LMF2: variants seen among roughly 807,000 people sequenced by gnomAD.
The protein encoded by LMF2 is transmembrane protein 112B.
LMF2 carries 113 observed loss-of-function variants against 81.5 expected under a neutral mutation model. That is an observed-to-expected ratio of 1.39 (90% CI 1.19 to 1.62). LMF2 has a LOEUF of 1.62. Among genes scored for constraint, LMF2 ranks in the 40% most tolerant of loss-of-function variants. The pLI, the probability that LMF2 is intolerant of heterozygous loss-of-function variation, is 0.00. For synonymous variants in LMF2, 645 were observed against 424.5 expected (o/e 1.52, Z -6.39); for missense variants, 1,235 against 929.1 (o/e 1.33, Z -4.28).
In LMF2 at chr22:50,505,159, G is replaced by A; in HGVS notation, c.1158-6C>T. The A allele has an allele frequency of 6.2e-7, 1 of 1,612,898 alleles. No individual in the cohort carries two copies. Among genetic ancestry groups the A allele is most frequent in the Non-Finnish European group, 8.5e-7 (1 of 1,179,916 alleles). ...AGCCCCGCACCTGGGTCCACCTGTG[G>A]GCAAGGACCCAAGGTCGTCAGGCCG... On this transcript the variant is annotated splice_region_variant and splice_polypyrimidine_tract_variant and intron_variant, in intron 8 of 13. Coordinates refer to ENST00000474879, the MANE Select transcript of LMF2 (RefSeq NM_033200.3).
chr22:50,503,110 C>G lies in LMF2; in HGVS notation c.*281G>C, dbSNP rs1261821247. On this transcript the variant is annotated 3_prime_UTR_variant, in exon 14 of 14. Transcript: ENST00000474879. ...GGGTTGGGGGCTCTAGACTCAGACC[C>G]CCACAGCCCAGGGCAGGGGAAGGGT... is the stretch of plus-strand genomic sequence containing the variant. 6 of 436,176 alleles carry G rather than the reference C, an allele frequency of 1.4e-5. No individual in the cohort carries two copies. The East Asian group carries it at 2.3e-4, about 16-fold the overall frequency. 27.0% of individuals were successfully genotyped at this position (436,176 alleles called of 1,614,324 possible). A position where few individuals can be genotyped will look rare whatever the true frequency, so the allele number is the denominator to read the frequency against.
intron 1 of LMF2, 112 bp downstream of exon 1, chr22:50,507,470 C>A: frequency 1.2e-6 from 1 of 859,936 alleles, no homozygotes; most frequent in South Asian, 1.4e-5. Context: ...TACCCCACGC[C>A]AAGGCCTGGC....
Position 50,503,894 on chromosome 22 carries a change from G to A in LMF2, c.1729C>T (p.Arg577Trp), listed in dbSNP as rs142735117. Residue 577 changes from arginine (R) to tryptophan (W), a missense_variant, in exon 13 of 14, where the codon CGG becomes TGG. Transcript: ENST00000474879. ...AAGAACTCCTCCACCCACTGGCGCC[G>A]CCACCACTGGCTGCAGCAGGACCCG... ...SQPGEQGQWWRRQWVEEFFPS... is the reference protein window; with the variant it reads ...SQPGEQGQWWWRQWVEEFFPS... The A allele has an allele frequency of 1.5e-5, 24 of 1,604,522 alleles. No homozygotes were observed. In the African/African-American group the frequency reaches 1.6e-4, roughly 11 times the overall value.
At chr22:50,507,150 C>T (rs2068608151) in intron 1 of LMF2, 115 bp from the exon 2 acceptor site, 22 of 1,442,550 alleles carry the variant, frequency 1.5e-5, no homozygotes, top group Non-Finnish European at 1.9e-5. Flanking sequence ...TACCTCCATC[C>T]CTAGGTCAGA....
chr22:50,506,225 G>C lies in LMF2; in HGVS notation c.596-12C>G. The C allele has an allele frequency of 6.4e-7, 1 of 1,551,744 alleles. No homozygotes were observed. The highest frequency in any genetic ancestry group is 8.7e-7 in the Non-Finnish European group (1 of 1,147,618). On this transcript the variant is annotated splice_polypyrimidine_tract_variant and intron_variant, in intron 4 of 13. Coordinates refer to ENST00000474879, the MANE Select transcript of LMF2 (RefSeq NM_033200.3). ...GTGGTAGGTGAGGGCTGCAGGCGAG[G>C]GCAGGAGTCAGGGCTGGCCGAGCCC...
intron 1 of LMF2, 119 bp from the exon 2 acceptor site, chr22:50,507,154 G>C (rs1483688109): frequency 1.4e-6 from 2 of 1,433,642 alleles, no homozygotes; most frequent in Middle Eastern, 2.6e-4. Context: ...TCCATCCCTA[G>C]GTCAGAGTCT....
chr22:50,506,748 G>T, intron 2 of LMF2, 34 bp downstream of exon 2: 1 of 1,612,386 alleles, frequency 6.2e-7, no homozygotes, highest in Non-Finnish European at 8.5e-7. Flanking sequence ...GTGGGGGTTG[G>T]AGATAGAGTG....
intron 2 of LMF2, 53 bp from the exon 3 acceptor site, chr22:50,506,719 G>C (rs746470574): frequency 2.5e-6 from 4 of 1,613,094 alleles, no homozygotes; most frequent in South Asian, 1.1e-5. Context: ...CTCAGGTAAG[G>C]TAGAGGCAGG....
At chr22:50,503,736 G>C in intron 13 of LMF2, 37 bp from the exon 14 acceptor site, 1 of 1,589,482 alleles carries the variant, frequency 6.3e-7, no homozygotes. Context: ...TTGGGGAAGT[G>C]CTTACTGGGT....
chr22:50,506,455 G>C lies in LMF2; in HGVS notation c.425C>G (p.Pro142Arg). ...CTTGCGGTGGGAGGCTGGCCTCAGC[G>C]GGGCCACCAGCACGGCCAGGAAGCC... ...ETGFLAVLVA[P>R]LRPASHRKEA... The change falls in exon 4 of 14, where the codon CCG (proline) becomes CGG (arginine). Residue 142 changes from proline to arginine, a missense_variant. Transcript: ENST00000474879. 6.4e-7 allele frequency: 1 copy of C among 1,551,278 alleles called. No individual in the cohort carries two copies. Among genetic ancestry groups the C allele is most frequent in the Non-Finnish European group, 8.7e-7 (1 of 1,149,242 alleles).
Position 50,504,445 on chromosome 22 carries a change from C to T in LMF2, c.1613G>A (p.Arg538His), listed in dbSNP as rs1004544745. ...RLLQGKEPVI[R>H]LVQSQVARYP... ...CCTGGCCACTTGGCTCTGGACAAGG[C>T]GGATCACTGCAGCGAGAGGCATCAG... The change falls in exon 12 of 14, where the codon CGC becomes CAC. Residue 538 changes from arginine (R) to histidine (H), a missense_variant. Physicochemically the swap from Arg to His is conservative, Grantham distance 29. Coordinates refer to ENST00000474879, the MANE Select transcript of LMF2 (RefSeq NM_033200.3). 70 of 1,611,290 alleles carry T rather than the reference C, an allele frequency of 4.3e-5. No homozygotes were observed. The highest frequency in any genetic ancestry group is 5.2e-5 in the Non-Finnish European group (61 of 1,179,500).
rs772098841 is a variant in LMF2, at chr22:50,505,291, CGTCA to C, written c.1091_1094del (p.Leu364ArgfsTer17). On this transcript the variant is annotated frameshift_variant, in exon 8 of 14. Transcript: ENST00000474879. LOFTEE classifies it high-confidence loss of function. Reference sequence around the variant, plus strand: ...CCACACCCAGCCACACAGTGGGCAGCGTCAGTGTCTTCAGCCACTGAGAAAACTG... The same window carrying C: ...CCACACCCAGCCACACAGTGGGCAGCGTGTCTTCAGCCACTGAGAAAACTG... The C allele has an allele frequency of 1.2e-6, 2 of 1,613,294 alleles. No homozygotes were observed. The highest frequency in any genetic ancestry group is 1.3e-5 in the African/African-American group (1 of 75,060).
chr22:50,507,140 T>C (rs984069554), intron 1 of LMF2, 105 bp from the exon 2 acceptor site: 9 of 1,461,606 alleles, frequency 6.2e-6, no homozygotes, highest in Non-Finnish European at 8.1e-6. Flanking sequence ...AGCATGCGGA[T>C]ACCTCCATCC....
At position 50,506,509 on chromosome 22, in the gene LMF2, G is replaced by T; in HGVS notation, c.378-7C>A. On this transcript the variant is annotated splice_polypyrimidine_tract_variant and splice_region_variant and intron_variant, in intron 3 of 13. Coordinates refer to ENST00000474879, the MANE Select transcript of LMF2 (RefSeq NM_033200.3). Reference sequence around the variant, plus strand: ...CTCTAGCAGCAGGGAGTCCCTATGGGGAGAGCAAATAGCACCAAGAGCCCC... The same window carrying T: ...CTCTAGCAGCAGGGAGTCCCTATGGTGAGAGCAAATAGCACCAAGAGCCCC... 1.9e-6 allele frequency: 3 copies of T among 1,561,966 alleles called. No individual in the cohort carries two copies. Among genetic ancestry groups the T allele is most frequent in the East Asian group, 2.3e-5 (1 of 43,120 alleles).
At chr22:50,504,495 G>GGGC in intron 11 of LMF2, 44 bp from the exon 12 acceptor site, 56 of 1,339,384 alleles carry the variant, frequency 4.2e-5, no homozygotes, top group Non-Finnish European at 5.2e-5. Context: ...TACCCGCCCT[G>GGGC]CCCCTCCCCT....
chr22:50,506,666 C>A lies in LMF2; in HGVS notation c.349G>T (p.Val117Leu). ...TGGAAATAAAGGAACACCTGGCCCACCTGCGGAGAGAGGGGCTGTCAGGGA... is the reference window on the plus strand; with the variant it reads ...TGGAAATAAAGGAACACCTGGCCCAACTGCGGAGAGAGGGGCTGTCAGGGA... ...LWAAYLSACQ[V>L]GQVFLYFQWD... The change falls in exon 3 of 14, where the codon GTG (valine) becomes TTG (leucine). Residue 117 changes from valine (V) to leucine (L), a missense_variant and splice_region_variant. By Grantham distance (32) the Val-to-Leu change is conservative. Coordinates refer to ENST00000474879, the MANE Select transcript of LMF2 (RefSeq NM_033200.3). 1 of 1,613,628 alleles carries A rather than the reference C, an allele frequency of 6.2e-7. No individual in the cohort carries two copies. The highest frequency in any genetic ancestry group is 1.3e-5 in the African/African-American group (1 of 75,048).
In LMF2 at chr22:50,503,395, T is replaced by C. The variant is rs758368484; in HGVS notation, c.2120A>G (p.Lys707Arg). 9 of 1,610,344 alleles carry C rather than the reference T, an allele frequency of 5.6e-6. No homozygotes were observed. Among genetic ancestry groups the C allele is most frequent in the Non-Finnish European group, 7.6e-6 (9 of 1,179,020 alleles). ...SSSSRTTRRK[K>R] The stretch of plus-strand genomic sequence containing the variant: ...CGTGCAGCTGGGAGAACACAGCTAC[T>C]TCTTTCGCCGGGTGGTCCTCGAACT... Residue 707 changes from lysine to arginine, a missense_variant, in exon 14 of 14, where the codon AAG becomes AGG. Lys to Arg is a conservative substitution (Grantham distance 26, BLOSUM62 2). Coordinates refer to ENST00000474879, the MANE Select transcript of LMF2 (RefSeq NM_033200.3).
At chr22:50,503,729 G>C in intron 13 of LMF2, 30 bp from the exon 14 acceptor site, 1 of 1,587,374 alleles carries the variant, frequency 6.3e-7, no homozygotes, top group Non-Finnish European at 8.5e-7. Flanking sequence ...AGGGAGGTTG[G>C]GGAAGTGCTT....
In LMF2 at chr22:50,503,789, C is replaced by T; in HGVS notation, c.1815+19G>A. The T allele has an allele frequency of 6.2e-7, 1 of 1,601,926 alleles. No homozygotes were observed. The highest frequency in any genetic ancestry group is 8.5e-7 in the Non-Finnish European group (1 of 1,177,884). ...GGTCACCCCTGCCACCTCCCCCAGC[C>T]TGGCTGACACCCCCTTACCTGTAGT... On this transcript the variant is annotated intron_variant, in intron 13 of 13. Coordinates refer to ENST00000474879, the MANE Select transcript of LMF2 (RefSeq NM_033200.3).
Sources: allele counts gnomAD v4.1 joint callset, GRCh38; gene constraint gnomAD v4.1.1; transcripts MANE v1.5; gene names NCBI Gene and HGNC (gene_info 2026-07-23, HGNC 2026-07-21).